DYNC2I2: variants seen among roughly 807,000 people sequenced by gnomAD.
DYNC2I2 encodes the protein dynein 2 intermediate chain 2.
In DYNC2I2, 39 loss-of-function variants were observed where a neutral mutation model predicts 52.0. The observed-to-expected ratio is 0.75, with a 90% CI of 0.58 to 0.98. DYNC2I2 has a LOEUF of 0.98. Ranked by LOEUF, DYNC2I2 falls within the 50% of genes least tolerant of loss-of-function variation. The pLI, the probability that DYNC2I2 is intolerant of heterozygous loss-of-function variation, is 0.00. For synonymous variants in DYNC2I2, 359 were observed against 321.1 expected (o/e 1.12, Z -1.26); for missense variants, 743 against 728.4 (o/e 1.02, Z -0.23).
At chr9:128,649,640 G>T (rs1860686609) in intron 1 of DYNC2I2, among the ~76,000 whole-genome samples, 1 of 131,520 alleles carries the variant, frequency 7.6e-6, no homozygotes, top group South Asian at 2.5e-4. Context: ...AGTGAGCCAA[G>T]ACTGCACCAC....
At chr9:128,683,681 C>T in the DYNC2I2 span, 1 of 445,804 alleles carries the variant, frequency 2.2e-6, no homozygotes, top group East Asian at 4.2e-5. Flanking sequence ...AGGCAGAGAG[C>T]AACTAAAAGA....
chr9:128,650,309 C>G (rs150941185), intron 1 of DYNC2I2, among the ~76,000 whole-genome samples: 904 of 55,718 alleles, frequency 0.016, 225 homozygotes, highest in African/African-American at 0.031. Context: ...ACAGCACTGG[C>G]TTTCACTTGG....
At chr9:128,638,103 G>T (rs1860448244) in intron 2 of DYNC2I2, among the ~76,000 whole-genome samples, 1 of 151,838 alleles carries the variant, frequency 6.6e-6, no homozygotes, top group Admixed American at 6.6e-5. Flanking sequence ...TGGGCATGGG[G>T]GTCAGAGCCT....
chr9:128,634,308 C>A lies in DYNC2I2; in HGVS notation c.1290G>T (p.Ser430=), dbSNP rs373865808. ...ACAGATACTTGAGGGAGAGCTGCAG[C>A]GAAGTCAAGGGAGGGGCCTGCAGCA... ...YSMLQAPPLT[S]LQLSLKYLFA... Residue 430 remains serine, a synonymous_variant, in exon 8 of 9, where the codon TCG becomes TCT. Transcript: ENST00000372715. The A allele has an allele frequency of 3.7e-6, 6 of 1,613,424 alleles. No individual in the cohort carries two copies. In the East Asian group the frequency reaches 1.3e-4, roughly 36 times the overall value.
Position 128,636,359 on chromosome 9 carries a change from G to T in DYNC2I2, c.625C>A (p.Gln209Lys). 1 of 1,608,954 alleles carries T rather than the reference G, an allele frequency of 6.2e-7. No individual in the cohort carries two copies. Among genetic ancestry groups the T allele is most frequent in the Non-Finnish European group, 8.5e-7 (1 of 1,178,096 alleles). The change falls in exon 4 of 9, where the codon CAG becomes AAG. Residue 209 changes from glutamine to lysine, a missense_variant. Gln to Lys is a moderately conservative substitution (Grantham distance 53). Transcript: ENST00000372715. Reference protein sequence around the residue: ...NLDRRDLRPQQPSAVVEVPSA... With the variant: ...NLDRRDLRPQKPSAVVEVPSA... ...GGGACCTCCACCACGGCCGACGGCT[G>T]CTGGGGACGCAGGTCTCGCCGGTCC...
intron 2 of DYNC2I2, among the ~76,000 whole-genome samples, chr9:128,639,810 C>T (rs1262757767): frequency 2.6e-5 from 4 of 151,650 alleles, no homozygotes; most frequent in African/African-American, 4.8e-5. Context: ...GAACAACAGG[C>T]GTGCACCACC....
intron 1 of DYNC2I2, among the ~76,000 whole-genome samples, chr9:128,654,983 C>T (rs1860788421): frequency 6.6e-6 from 1 of 152,046 alleles, no homozygotes; most frequent in Non-Finnish European, 1.5e-5. Flanking sequence ...CCCATGTAAG[C>T]TCGAGGAGGG....
At chr9:128,655,007 T>G (rs891934363) in intron 1 of DYNC2I2, among the ~76,000 whole-genome samples, 1 of 151,996 alleles carries the variant, frequency 6.6e-6, no homozygotes, top group African/African-American at 2.4e-5. Context: ...GATGTCCGTC[T>G]TCTTCTCTGA....
the DYNC2I2 span, among the ~76,000 whole-genome samples, chr9:128,676,754 A>C: frequency 6.6e-6 from 1 of 151,852 alleles, no homozygotes. Flanking sequence ...GCTGGTCTCA[A>C]ACTCCTGACT....
upstream of DYNC2I2, among the ~76,000 whole-genome samples, chr9:128,660,177 C>T (rs1215894436): frequency 2.0e-5 from 3 of 151,846 alleles, no homozygotes; most frequent in East Asian, 1.9e-4. Flanking sequence ...GGCACGATCT[C>T]GGCTCACTGC....
chr9:128,647,351 G>A (rs919460995), intron 1 of DYNC2I2, among the ~76,000 whole-genome samples: 28 of 152,106 alleles, frequency 1.8e-4, no homozygotes, highest in African/African-American at 6.8e-4. Context: ...AAAGAAATGG[G>A]GCATGGGAGT....
intron 2 of DYNC2I2, 88 bp downstream of exon 2, chr9:128,640,603 G>C: frequency 6.5e-7 from 1 of 1,538,004 alleles, no homozygotes; most frequent in Non-Finnish European, 8.8e-7. Context: ...ATGATGACTG[G>C]CACGGCTGTT....
At position 128,635,655 on chromosome 9, in the gene DYNC2I2, G is replaced by A. The variant is rs570668088; in HGVS notation, c.813+3C>T. ...CACCCCGCCCGGCAGCCCCTGCCCT[G>A]ACCTGGGACACAGGGTCTGTGTGGG... On this transcript the variant is annotated splice_donor_region_variant and intron_variant, in intron 5 of 8. Transcript: ENST00000372715. 1 of 1,602,628 alleles carries A rather than the reference G, an allele frequency of 6.2e-7. No homozygotes were observed. Among genetic ancestry groups the A allele is most frequent in the South Asian group, 1.1e-5 (1 of 89,240 alleles).
chr9:128,647,830 G>C (rs762194569), intron 1 of DYNC2I2, among the ~76,000 whole-genome samples: 1 of 151,698 alleles, frequency 6.6e-6, no homozygotes, highest in South Asian at 2.1e-4. Context: ...TCAGAGAACA[G>C]TAATTACCAA....
At chr9:128,667,736 ATT>A in the DYNC2I2 span, among the ~76,000 whole-genome samples, 83 of 130,572 alleles carry the variant, frequency 6.4e-4, no homozygotes, top group South Asian at 5.8e-3. Flanking sequence ...CGCCCAGCTA[ATT>A]TTTTTTTTTT....
At chr9:128,671,855 G>C in the DYNC2I2 span, among the ~76,000 whole-genome samples, 2 of 151,016 alleles carry the variant, frequency 1.3e-5, no homozygotes, top group East Asian at 3.9e-4. Flanking sequence ...GGGTTTCACC[G>C]TGTTAGCCAG....
intron 1 of DYNC2I2, among the ~76,000 whole-genome samples, chr9:128,653,155 G>A (rs749084105): frequency 1.3e-5 from 2 of 151,008 alleles, no homozygotes; most frequent in Non-Finnish European, 2.9e-5. Context: ...CCTGAAACCA[G>A]GAGGCGGAGG....
intron 1 of DYNC2I2, among the ~76,000 whole-genome samples, chr9:128,641,397 C>T (rs1177259331): frequency 3.3e-5 from 5 of 152,096 alleles, no homozygotes; most frequent in South Asian, 4.1e-4. Context: ...TCCCAGCACC[C>T]GGGTAAGCAA....
At chr9:128,683,670 G>A in the DYNC2I2 span, 6 of 462,556 alleles carry the variant, frequency 1.3e-5, no homozygotes, top group East Asian at 7.3e-5. Flanking sequence ...CCTGCAGAGC[G>A]AGGCAGAGAG....
Sources: gnomAD v4.1 joint callset for allele counts (sites outside exome capture counted in the v4.1 genomes callset) on GRCh38, gnomAD v4.1.1 for gene constraint, MANE v1.5 for transcripts, NCBI Gene and HGNC (gene_info 2026-07-23, HGNC 2026-07-21) for gene names.